The following DAGLB variants were observed in gnomAD, a reference collection of about 807,000 sequenced individuals.
DAGLB encodes the protein diacylglycerol lipase-beta.
DAGLB carries 66 observed loss-of-function variants against 72.1 expected under a neutral mutation model. The ratio of observed to expected loss-of-function variants is 0.92; its 90% CI spans 0.75 to 1.12. DAGLB has a LOEUF of 1.12. DAGLB is among the 50% of genes most tolerant of loss of function. The pLI is 0.00. For synonymous variants in DAGLB, 414 were observed against 359.5 expected (o/e 1.15, Z -1.71); for missense variants, 1,065 against 884.9 (o/e 1.20, Z -2.58).
chr7:6,413,892 G>A (rs1221621102), intron 11 of DAGLB, among the ~76,000 whole-genome samples: 1 of 152,256 alleles, frequency 6.6e-6, no homozygotes, highest in Non-Finnish European at 1.5e-5. Context: ...CAGAAGAGCA[G>A]GGAAAAGGTG....
At chr7:6,410,924 G>A (rs1241037400) in intron 13 of DAGLB, among the ~76,000 whole-genome samples, 1 of 112,146 alleles carries the variant, frequency 8.9e-6, no homozygotes, top group Non-Finnish European at 1.7e-5. Flanking sequence ...TCACTCTGTT[G>A]CCCAGGCTGG....
intron 13 of DAGLB, chr7:6,412,544 C>T (rs377185271): frequency 5.6e-5 from 27 of 478,634 alleles, no homozygotes; most frequent in Non-Finnish European, 8.7e-5. Context: ...CCTTGGCCTC[C>T]TGAGGTGCTG....
At chr7:6,443,411 G>A (rs1033372428) in intron 2 of DAGLB, among the ~76,000 whole-genome samples, 14 of 152,190 alleles carry the variant, frequency 9.2e-5, no homozygotes, top group African/African-American at 2.2e-4. Context: ...CTGAGATTAC[G>A]CCATTGCAGT....
At chr7:6,439,326 T>C (rs1041941459) in intron 2 of DAGLB, among the ~76,000 whole-genome samples, 1 of 151,480 alleles carries the variant, frequency 6.6e-6, no homozygotes, top group Non-Finnish European at 1.5e-5. Context: ...AAACAGATGC[T>C]AGTATGGACC....
At position 6,413,405 on chromosome 7, in the gene DAGLB, C is replaced by A. The variant is rs987126038; in HGVS notation, c.1428-371G>T. On this transcript the variant is annotated intron_variant, in intron 11 of 14. Coordinates refer to ENST00000297056, the MANE Select transcript of DAGLB (RefSeq NM_139179.4). Reference sequence around the variant, plus strand: ...CAGCACTTTGGGAGGCCGAGGCAGGCGGATCACAAGGTCAGGAGATTGAAA... The same window carrying A: ...CAGCACTTTGGGAGGCCGAGGCAGGAGGATCACAAGGTCAGGAGATTGAAA... Among the ~76,000 whole-genome samples the A allele has an allele frequency of 5.9e-5, 9 of 152,032 alleles. No individual in the cohort carries two copies. In the South Asian group the frequency reaches 1.0e-3, roughly 18 times the overall value.
At chr7:6,447,619 G>C in intron 1 of DAGLB, 129 bp downstream of exon 1, 2 of 1,306,992 alleles carry the variant, frequency 1.5e-6, no homozygotes, top group East Asian at 2.6e-5. Context: ...AACTCGATAA[G>C]AGGATGCGTG....
chr7:6,423,297 G>C (rs538998211), intron 8 of DAGLB, among the ~76,000 whole-genome samples: 116 of 152,226 alleles, frequency 7.6e-4, no homozygotes, highest in African/African-American at 2.5e-3. Flanking sequence ...GACTAGACAA[G>C]GACGGAGATG....
chr7:6,440,884 G>T (rs1240260397), intron 2 of DAGLB, among the ~76,000 whole-genome samples: 1 of 151,742 alleles, frequency 6.6e-6, no homozygotes, highest in African/African-American at 2.4e-5. Flanking sequence ...CAATCCATCA[G>T]TCAATCAATC....
intron 11 of DAGLB, among the ~76,000 whole-genome samples, chr7:6,415,252 C>T (rs187580773): frequency 1.3e-5 from 2 of 151,736 alleles, no homozygotes; most frequent in East Asian, 3.9e-4. Flanking sequence ...TGCTAGGCAA[C>T]AATTCATTAT....
Position 6,446,120 on chromosome 7 carries a change from AAG to A in DAGLB, c.96-18_96-17del. ...GCCAATCCACCTGGCAAAAAAAAAA[AAG>A]GGAAGGGTCAGAAATGAAATCCAAG... On this transcript the variant is annotated splice_polypyrimidine_tract_variant and intron_variant, in intron 1 of 14. Coordinates refer to ENST00000297056, the MANE Select transcript of DAGLB (RefSeq NM_139179.4). 6.3e-7 allele frequency: 1 copy of A among 1,583,266 alleles called. No individual in the cohort carries two copies. Among genetic ancestry groups the A allele is most frequent in the Non-Finnish European group, 8.6e-7 (1 of 1,168,824 alleles).
Position 6,409,665 on chromosome 7 carries a change from A to C in DAGLB, c.*172T>G. 1.3e-6 allele frequency: 1 copy of C among 789,482 alleles called. No individual in the cohort carries two copies. The highest frequency in any genetic ancestry group is 2.0e-6 in the Non-Finnish European group (1 of 507,194). The allele number at this position is 789,482 out of a possible 1,614,324, so 48.9% of individuals were successfully genotyped here. A position where few individuals can be genotyped will look rare whatever the true frequency, so the allele number is the denominator to read the frequency against. ...CACTACTTCTGCTACCATTATGGCC[A>C]CAATGACTTCCCATAAACTTAAGTC... On this transcript the variant is annotated 3_prime_UTR_variant, in exon 15 of 15. Coordinates refer to ENST00000297056, the MANE Select transcript of DAGLB (RefSeq NM_139179.4).
chr7:6,417,074 G>A, intron 9 of DAGLB, 153 bp from the exon 10 acceptor site: 1 of 838,302 alleles, frequency 1.2e-6, no homozygotes, highest in Admixed American at 2.3e-5. Flanking sequence ...GTGCATGGCT[G>A]TGCTCCTGGC....
intron 2 of DAGLB, among the ~76,000 whole-genome samples, chr7:6,442,599 A>C (rs540984168): frequency 1.3e-5 from 2 of 152,312 alleles, no homozygotes; most frequent in East Asian, 3.9e-4. Context: ...CTTCACCTTC[A>C]ATAAGAAGCT....
intron 8 of DAGLB, among the ~76,000 whole-genome samples, chr7:6,424,126 C>T (rs1037222460): frequency 3.9e-5 from 6 of 152,118 alleles, no homozygotes; most frequent in South Asian, 2.1e-4. Context: ...CAGAGAAGAA[C>T]GGGAAGTGAG....
chr7:6,420,255 C>G (rs550635883), intron 9 of DAGLB, among the ~76,000 whole-genome samples: 2 of 152,160 alleles, frequency 1.3e-5, no homozygotes, highest in South Asian at 4.1e-4. Context: ...GCCTGGCCAA[C>G]ATGGTGAAAC....
chr7:6,428,855 A>G (rs890833052), intron 6 of DAGLB, among the ~76,000 whole-genome samples: 1 of 152,042 alleles, frequency 6.6e-6, no homozygotes, highest in African/African-American at 2.4e-5. Flanking sequence ...CTCAGGCTGG[A>G]GTACAGTGGT....
intron 8 of DAGLB, among the ~76,000 whole-genome samples, chr7:6,423,262 A>T (rs553338405): frequency 1.2e-4 from 19 of 152,238 alleles, no homozygotes; most frequent in African/African-American, 4.3e-4. Flanking sequence ...AAACAAACAA[A>T]CAATCAAACA....
Position 6,445,914 on chromosome 7 carries a change from TA to T in DAGLB, c.247+38del, listed in dbSNP as rs373434149. On this transcript the variant is annotated intron_variant, in intron 2 of 14. Transcript: ENST00000297056. ...TGTGAATTATATCTCAATAAAGCTATAAAAAAATAGGTATCAAATAGAAAAG... is the reference window on the plus strand; with the variant it reads ...TGTGAATTATATCTCAATAAAGCTATAAAAAATAGGTATCAAATAGAAAAG... 1.2e-4 allele frequency: 191 copies of T among 1,548,310 alleles called. No individual in the cohort carries two copies. The African/African-American group carries it at 1.7e-3, about 13-fold the overall frequency.
chr7:6,434,648 C>A (rs904171472), intron 4 of DAGLB, 114 bp downstream of exon 4: 4 of 1,528,790 alleles, frequency 2.6e-6, no homozygotes, highest in Non-Finnish European at 3.5e-6. Context: ...ACCCCCCACA[C>A]ACCCAAAGAC....
Sources: gnomAD v4.1 joint callset for allele counts (sites outside exome capture counted in the v4.1 genomes callset) on GRCh38, gnomAD v4.1.1 for gene constraint, MANE v1.5 for transcripts, NCBI Gene and HGNC (gene_info 2026-07-23, HGNC 2026-07-21) for gene names.